Variants in SOX5 observed in about 807,000 individuals in gnomAD.
SOX5 encodes the protein transcription factor SOX-5.
A neutral mutation model predicts 92.0 loss-of-function variants in SOX5; 9 were observed. That is an observed-to-expected ratio of 0.10 (90% CI 0.06 to 0.17). SOX5 has a LOEUF of 0.17. SOX5 is among the 10% of genes least tolerant of loss of function. The pLI, the probability that SOX5 is intolerant of heterozygous loss-of-function variation, is 1.00. For missense variants in SOX5, 642 were observed against 944.5 expected (o/e 0.68, Z 4.20); for synonymous variants, 344 against 336.3 (o/e 1.02, Z -0.25).
At chr12:24,209,165 A>C (rs185697402) in intron 4 of SOX5, among the ~76,000 whole-genome samples, 1 of 152,326 alleles carries the variant, frequency 6.6e-6, no homozygotes, top group Admixed American at 6.5e-5. Flanking sequence ...GTACTGGAGA[A>C]GGGAATCAAA....
In SOX5 at chr12:24,055,575, T is replaced by C. The variant is rs116606769; in HGVS notation, c.-2+157768A>G. On this transcript the variant is annotated intron_variant, in intron 4 of 4. Transcript: ENST00000446891. ...CAGGAACAACATGTTGGTTGACCAATAGGTCTTGCTCTGTACATTTAAACA... is the reference window on the plus strand; with the variant it reads ...CAGGAACAACATGTTGGTTGACCAACAGGTCTTGCTCTGTACATTTAAACA... Among the ~76,000 whole-genome samples, 918 of 152,306 alleles carry C rather than the reference T, an allele frequency of 6.0e-3. 12 individuals carry two copies. Among genetic ancestry groups the C allele is most frequent in the African/African-American group, 0.021 (891 of 41,562 alleles).
chr12:24,452,780 T>G (rs1458479561), intron 1 of SOX5, among the ~76,000 whole-genome samples: 1 of 152,142 alleles, frequency 6.6e-6, no homozygotes, highest in Non-Finnish European at 1.5e-5. Flanking sequence ...GACCTCAAAA[T>G]TCCCAAGGCA....
chr12:23,689,878 C>T (rs148297581), intron 6 of SOX5, among the ~76,000 whole-genome samples: 409 of 152,224 alleles, frequency 2.7e-3, no homozygotes, highest in Non-Finnish European at 4.8e-3. Flanking sequence ...ACATTTAAGA[C>T]GCATTGCTGG....
chr12:24,103,509 C>T (rs551665963), intron 4 of SOX5, among the ~76,000 whole-genome samples: 2 of 152,236 alleles, frequency 1.3e-5, no homozygotes, highest in East Asian at 1.9e-4. Flanking sequence ...CATATGCCAC[C>T]ATGGCCAGCT....
chr12:24,322,617 G>A lies in SOX5; in HGVS notation c.-173-45305C>T, dbSNP rs138020097. On this transcript the variant is annotated intron_variant, in intron 2 of 4. Coordinates refer to the SOX5 transcript ENST00000446891. The stretch of plus-strand genomic sequence containing the variant: ...TATGTTGGTGTCTCAGTGAGCTGAC[G>A]TTTCTCACAAACATTATACTGAATT... Among the ~76,000 whole-genome samples the A allele has an allele frequency of 2.0e-4, 30 of 152,114 alleles. No individual in the cohort carries two copies. The East Asian group carries it at 4.6e-3, about 23-fold the overall frequency.
chr12:23,821,907 T>C (rs543333788), intron 3 of SOX5, among the ~76,000 whole-genome samples: 69 of 148,432 alleles, frequency 4.6e-4, no homozygotes, highest in Non-Finnish European at 1.2e-4. Context: ...TTTATTTCCA[T>C]AGAGGTGTTT....
At chr12:24,222,361 T>A (rs1329961330) in intron 3 of SOX5, among the ~76,000 whole-genome samples, 1 of 152,084 alleles carries the variant, frequency 6.6e-6, no homozygotes, top group Non-Finnish European at 1.5e-5. Context: ...TGGGCCAGAG[T>A]AGCAGTGGTG....
At chr12:23,806,582 T>TAA (rs35340250) in intron 3 of SOX5, among the ~76,000 whole-genome samples, 17 of 70,410 alleles carry the variant, frequency 2.4e-4, no homozygotes, top group Middle Eastern at 8.3e-3. Context: ...CTTTTTCCAC[T>TAA]AAAAAAAAAA....
intron 4 of SOX5, among the ~76,000 whole-genome samples, chr12:24,126,155 T>G (rs569444162): frequency 2.6e-4 from 40 of 152,338 alleles, no homozygotes; most frequent in African/African-American, 9.1e-4. Context: ...TATGTCTGTA[T>G]GTAAGCCCTC....
chr12:23,968,560 A>G (rs1035671930), intron 4 of SOX5, among the ~76,000 whole-genome samples: 3 of 152,136 alleles, frequency 2.0e-5, no homozygotes, highest in African/African-American at 4.8e-5. Context: ...CCATTCTTCC[A>G]TCTACCCTGA....
intron 11 of SOX5, among the ~76,000 whole-genome samples, chr12:23,555,043 C>CTTACT (rs1944902978): frequency 6.6e-6 from 1 of 152,042 alleles, no homozygotes; most frequent in South Asian, 2.1e-4. Context: ...AAAAGTGAGT[C>CTTACT]TTACTTTACT....
At chr12:24,069,743 A>G (rs983134607) in intron 4 of SOX5, among the ~76,000 whole-genome samples, 4 of 152,194 alleles carry the variant, frequency 2.6e-5, no homozygotes, top group Non-Finnish European at 5.9e-5. Context: ...TTTCTCCCCA[A>G]TGTGCTTCAA....
At chr12:24,491,110 C>T (rs905946359) in intron 1 of SOX5, among the ~76,000 whole-genome samples, 3 of 151,956 alleles carry the variant, frequency 2.0e-5, no homozygotes, top group Non-Finnish European at 4.4e-5. Context: ...GGGTGGCTGC[C>T]TGGGTGGTAG....
At position 24,350,604 on chromosome 12, in the gene SOX5, T is replaced by A. The variant is rs145769407; in HGVS notation, c.-174+17959A>T. ...AGCGAGCCTCCTGCTTTGGCCTCCC[T>A]TAGTGCTGAGACTACAGGCATGAGC... On this transcript the variant is annotated intron_variant, in intron 2 of 4. Coordinates refer to the SOX5 transcript ENST00000446891. Among the ~76,000 whole-genome samples the A allele has an allele frequency of 4.0e-3, 613 of 152,270 alleles. 3 individuals are homozygous for A. Among genetic ancestry groups the A allele is most frequent in the African/African-American group, 0.014 (593 of 41,558 alleles).
intron 4 of SOX5, among the ~76,000 whole-genome samples, chr12:24,078,306 C>CGAG (rs940066506): frequency 1.3e-5 from 2 of 151,568 alleles, no homozygotes; most frequent in African/African-American, 4.8e-5. Flanking sequence ...ACAGTTTGTA[C>CGAG]GAGGAGGAGG....
At chr12:24,323,498 G>C (rs909579909) in intron 2 of SOX5, among the ~76,000 whole-genome samples, 1 of 151,714 alleles carries the variant, frequency 6.6e-6, no homozygotes. Context: ...AAAAAAAGCA[G>C]CTTTTTTATA....
intron 3 of SOX5, among the ~76,000 whole-genome samples, chr12:23,829,316 A>G (rs1007442465): frequency 1.3e-5 from 2 of 152,148 alleles, no homozygotes; most frequent in African/African-American, 4.8e-5. Context: ...ACAGACACAC[A>G]AAATCCTCCA....
intron 1 of SOX5, among the ~76,000 whole-genome samples, chr12:23,914,836 A>G (rs1309380306): frequency 6.6e-6 from 1 of 152,124 alleles, no homozygotes. Context: ...CTTTCTTTCC[A>G]TTACTGAAAC....
chr12:23,586,201 A>G (rs1950709731), intron 9 of SOX5, among the ~76,000 whole-genome samples: 1 of 152,120 alleles, frequency 6.6e-6, no homozygotes, highest in African/African-American at 2.4e-5. Flanking sequence ...GAGTAAGACA[A>G]CAAGGCCACT....
Sources: allele counts gnomAD v4.1 joint callset (sites outside exome capture counted in the v4.1 genomes callset), GRCh38; gene constraint gnomAD v4.1.1; transcripts MANE v1.5; gene names NCBI Gene and HGNC (gene_info 2026-07-23, HGNC 2026-07-21).